Variants in GRXCR1 observed in about 807,000 individuals in gnomAD.
GRXCR1 encodes glutaredoxin domain-containing cysteine-rich protein 1.
A neutral mutation model predicts 27.3 loss-of-function variants in GRXCR1; 27 were observed. The observed-to-expected ratio is 0.99, with a 90% confidence interval of 0.73 to 1.37. The LOEUF (loss-of-function observed/expected upper bound fraction) is 1.37, where lower values mean the gene tolerates loss of function less well. Ranked by LOEUF, GRXCR1 falls within the 40% of genes most tolerant of loss-of-function variation. The pLI is 0.00. For missense variants in GRXCR1, 379 were observed against 354.4 expected, an observed-to-expected ratio of 1.07 and a Z score of -0.56; for synonymous variants, 122 against 131.1, an observed-to-expected ratio of 0.93 and a Z score of 0.47.
At chr4:42,921,101 G>A (rs1746999520) in intron 1 of GRXCR1, among the ~76,000 whole-genome samples, 1 of 152,052 alleles carries the variant, frequency 6.6e-6, no homozygotes, top group African/African-American at 2.4e-5. Context: ...GTTAGGGTTG[G>A]CCTTTGGGAG....
intron 2 of GRXCR1, among the ~76,000 whole-genome samples, chr4:42,975,751 G>A (rs955043651): frequency 4.6e-5 from 7 of 151,976 alleles, no homozygotes; most frequent in Admixed American, 3.3e-4. Flanking sequence ...CATTTGTTTG[G>A]CTATCTCCTC....
intron 1 of GRXCR1, among the ~76,000 whole-genome samples, chr4:42,905,588 G>A (rs1427608906): frequency 6.6e-6 from 1 of 152,102 alleles, no homozygotes; most frequent in Non-Finnish European, 1.5e-5. Context: ...CCGTTGTTCT[G>A]TCTGGTCATT....
chr4:42,929,727 C>A (rs1003649309), intron 1 of GRXCR1, among the ~76,000 whole-genome samples: 2 of 151,848 alleles, frequency 1.3e-5, no homozygotes, highest in Non-Finnish European at 2.9e-5. Flanking sequence ...AATAGAATGA[C>A]CCAAGCTGCC....
At chr4:42,898,670 A>T (rs1321298444) in intron 1 of GRXCR1, among the ~76,000 whole-genome samples, 2 of 152,128 alleles carry the variant, frequency 1.3e-5, no homozygotes, top group East Asian at 3.9e-4. Context: ...ATTGATATTT[A>T]TTCCTTACAA....
chr4:43,007,434 T>C (rs1712598065), intron 2 of GRXCR1, among the ~76,000 whole-genome samples: 3 of 152,136 alleles, frequency 2.0e-5, no homozygotes, highest in African/African-American at 7.2e-5. Context: ...TGGCTTCTGA[T>C]ATGAGTGGAA....
intron 2 of GRXCR1, among the ~76,000 whole-genome samples, chr4:42,972,961 C>A (rs766000581): frequency 6.6e-6 from 1 of 152,022 alleles, no homozygotes; most frequent in African/African-American, 2.4e-5. Context: ...AATTTTCTGT[C>A]CTTTAGTCTC....
chr4:43,007,414 G>T (rs940861032), intron 2 of GRXCR1, among the ~76,000 whole-genome samples: 6 of 152,138 alleles, frequency 3.9e-5, no homozygotes, highest in Non-Finnish European at 7.4e-5. Context: ...GTAGATCAGG[G>T]AAAAGAGTTT....
intron 2 of GRXCR1, among the ~76,000 whole-genome samples, chr4:43,012,965 C>G (rs1327660483): frequency 2.0e-5 from 3 of 152,046 alleles, no homozygotes. Flanking sequence ...CACTAATTAT[C>G]AGAGCACAAT....
intron 2 of GRXCR1, among the ~76,000 whole-genome samples, chr4:43,018,967 G>A (rs531715573): frequency 1.2e-4 from 19 of 152,160 alleles, no homozygotes; most frequent in African/African-American, 4.3e-4. Flanking sequence ...CTGTGCGTTC[G>A]TTCATATTGC....
intron 1 of GRXCR1, among the ~76,000 whole-genome samples, chr4:42,930,072 C>A (rs1747267871): frequency 6.6e-6 from 1 of 151,982 alleles, no homozygotes; most frequent in Non-Finnish European, 1.5e-5. Context: ...TTCTTGATCT[C>A]ATTTCTGTTG....
chr4:42,925,110 T>G (rs28690458), intron 1 of GRXCR1, among the ~76,000 whole-genome samples: 1 of 151,224 alleles, frequency 6.6e-6, no homozygotes, highest in African/African-American at 2.4e-5. Flanking sequence ...CATGAGAAGA[T>G]GTCTGAGTAT....
At chr4:42,987,222 T>TTATATGTTATATA (rs1553943895) in intron 2 of GRXCR1, among the ~76,000 whole-genome samples, 1 of 100,594 alleles carries the variant, frequency 9.9e-6, no homozygotes, top group African/African-American at 3.8e-5. Context: ...TATATATATA[T>TTATATGTTATATA]TATATATTAT....
At chr4:43,025,748 G>A (rs891740490) in intron 3 of GRXCR1, among the ~76,000 whole-genome samples, 2 of 152,172 alleles carry the variant, frequency 1.3e-5, no homozygotes, top group Non-Finnish European at 2.9e-5. Context: ...AGGCCAAGGC[G>A]GGCGGATCAC....
At chr4:42,916,971 G>T (rs774803501) in intron 1 of GRXCR1, among the ~76,000 whole-genome samples, 6 of 152,042 alleles carry the variant, frequency 3.9e-5, no homozygotes, top group Non-Finnish European at 7.4e-5. Flanking sequence ...ACATATTGAG[G>T]ATCAATAGAT....
rs569086417 is a variant in GRXCR1 at position 42,964,602 on chromosome 4, C to CA, written c.627+1470dup. Among the ~76,000 whole-genome samples the CA allele has an allele frequency of 6.6e-4, 100 of 152,140 alleles. No homozygotes were observed. The Middle Eastern group carries it at 0.01, about 16-fold the overall frequency. ...AAAGAAAACATTAATTCCTTTGCTCCAAGTGACAGAGCTGGCTAAGTGGCA... is the reference window on the plus strand; with the variant it reads ...AAAGAAAACATTAATTCCTTTGCTCCAAAGTGACAGAGCTGGCTAAGTGGCA... On this transcript the variant is annotated intron_variant, in intron 2 of 3. Coordinates refer to ENST00000399770, the MANE Select transcript of GRXCR1 (RefSeq NM_001080476.3).
intron 2 of GRXCR1, among the ~76,000 whole-genome samples, chr4:43,002,947 GGA>G (rs1712424194): frequency 1.3e-5 from 2 of 152,174 alleles, no homozygotes; most frequent in African/African-American, 4.8e-5. Context: ...TGGATCATGA[GGA>G]GAGTTTTCCC....
At chr4:42,954,039 G>C (rs1747945187) in intron 1 of GRXCR1, among the ~76,000 whole-genome samples, 1 of 152,016 alleles carries the variant, frequency 6.6e-6, no homozygotes, top group African/African-American at 2.4e-5. Flanking sequence ...TGGAAAAGAG[G>C]CCAGAAAATA....
intron 2 of GRXCR1, among the ~76,000 whole-genome samples, chr4:43,006,282 A>G (rs1461608405): frequency 6.6e-6 from 1 of 152,144 alleles, no homozygotes. Flanking sequence ...AAAGAACAGG[A>G]TAAGAGCAAT....
intron 1 of GRXCR1, among the ~76,000 whole-genome samples, chr4:42,931,680 G>A (rs1296921217): frequency 6.6e-6 from 1 of 151,724 alleles, no homozygotes; most frequent in Non-Finnish European, 1.5e-5. Context: ...TGGCTAAATT[G>A]AGCCATTAAG....
Sources: allele counts gnomAD v4.1 joint callset (sites outside exome capture counted in the v4.1 genomes callset), GRCh38; gene constraint gnomAD v4.1.1; transcripts MANE v1.5; gene names NCBI Gene and HGNC (gene_info 2026-07-23, HGNC 2026-07-21).